Variants in SMARCA2 observed in about 807,000 individuals in gnomAD.
The protein encoded by SMARCA2 is SWI/SNF related BAF chromatin remodeling complex subunit ATPase 2.
Under a neutral mutation model 199.8 loss-of-function variants are expected in SMARCA2, and 61 were observed. That is an observed-to-expected ratio of 0.31 (90% CI 0.25 to 0.38). The LOEUF (loss-of-function observed/expected upper bound fraction) is 0.38. Among genes scored for constraint, SMARCA2 ranks in the 10% least tolerant of loss-of-function variants. SMARCA2 has a pLI of 1.00. For synonymous variants in SMARCA2, 935 were observed against 732.0 expected, an observed-to-expected ratio of 1.28 and a Z score of -4.48; for missense variants, 1,344 against 2,012.2, an observed-to-expected ratio of 0.67 and a Z score of 6.35.
intron 31 of SMARCA2, among the ~76,000 whole-genome samples, chr9:2,183,006 G>C (rs1027743266): frequency 6.6e-6 from 1 of 152,026 alleles, no homozygotes; most frequent in African/African-American, 2.4e-5. Flanking sequence ...AGCCAGGCTG[G>C]TCTTGAACTC....
intron 1 of SMARCA2, among the ~76,000 whole-genome samples, chr9:2,027,409 C>T (rs1355784879): frequency 4.0e-5 from 6 of 151,840 alleles, no homozygotes; most frequent in Non-Finnish European, 7.4e-5. Context: ...TACTGTCCTC[C>T]AGCCTGGGCA....
Position 2,170,167 on chromosome 9 carries a change from C to T in SMARCA2, c.4200-252C>T, listed in dbSNP as rs1411962258. The stretch of plus-strand genomic sequence containing the variant: ...GAACATGTAAGAGGGAACAGGGTAA[C>T]AGGAATTTCTGTGTGTGACGGAAGT... On this transcript the variant is annotated intron_variant, in intron 28 of 33. Coordinates refer to ENST00000349721, the MANE Select transcript of SMARCA2 (RefSeq NM_003070.5). The surrounding 1 kb of genome is among the most constrained non-coding windows in gnomAD (Gnocchi z 4.7). Among the ~76,000 whole-genome samples, 1 of 152,156 alleles carries T rather than the reference C, an allele frequency of 6.6e-6. No individual in the cohort carries two copies. The highest frequency in any genetic ancestry group is 1.5e-5 in the Non-Finnish European group (1 of 68,038).
rs536983022 is a variant in SMARCA2 at position 2,067,874 on chromosome 9, A to G, written c.1693-2544A>G. ...TTAGATAACAATCTAGCTAGTCTAT[A>G]GGACATTCATAGGAAAGTATCCTTC... On this transcript the variant is annotated intron_variant, in intron 9 of 33. Transcript: ENST00000349721. 4.6e-5 allele frequency among the ~76,000 whole-genome samples: 7 copies of G among 152,386 alleles called. No individual in the cohort carries two copies. In the East Asian group the frequency reaches 1.3e-3, roughly 29 times the overall value.
chr9:2,150,398 G>T (rs1287142961), intron 27 of SMARCA2, among the ~76,000 whole-genome samples: 3 of 151,620 alleles, frequency 2.0e-5, no homozygotes, highest in African/African-American at 7.3e-5. Flanking sequence ...TAGAGACAGG[G>T]TACTCTGAGA....
At chr9:2,066,882 A>C (rs1820862064) in intron 9 of SMARCA2, among the ~76,000 whole-genome samples, 1 of 152,254 alleles carries the variant, frequency 6.6e-6, no homozygotes, top group Non-Finnish European at 1.5e-5. Flanking sequence ...ACAGTAGACC[A>C]ATCACAAACT....
At chr9:2,040,880 A>C (rs1260705732) in intron 4 of SMARCA2, 1 of 152,538 alleles carries the variant, frequency 6.6e-6, no homozygotes, top group African/African-American at 2.4e-5. Flanking sequence ...TCTTCCATGA[A>C]GGTTGTTTTC....
At position 2,116,460 on chromosome 9, in the gene SMARCA2, G is replaced by A. The variant is rs561743447; in HGVS notation, c.3684+411G>A. ...GAGCCCTCTCTCTCTTTTGCCTTTT[G>A]ATCAGGGATCACAGAGCTTCAACAT... On this transcript the variant is annotated intron_variant, in intron 25 of 33. Coordinates refer to ENST00000349721, the MANE Select transcript of SMARCA2 (RefSeq NM_003070.5). Among the ~76,000 whole-genome samples the A allele has an allele frequency of 3.3e-4, 51 of 152,288 alleles. No individual in the cohort carries two copies. The South Asian group carries it at 0.01, about 30-fold the overall frequency.
At chr9:2,132,287 C>T (rs1823995984) in intron 27 of SMARCA2, among the ~76,000 whole-genome samples, 1 of 152,232 alleles carries the variant, frequency 6.6e-6, no homozygotes, top group Non-Finnish European at 1.5e-5. Flanking sequence ...GCCTAGAGAT[C>T]TTGCAAGCAA....
intron 27 of SMARCA2, among the ~76,000 whole-genome samples, chr9:2,149,344 C>G (rs1234614217): frequency 1.3e-5 from 2 of 150,774 alleles, no homozygotes; most frequent in Non-Finnish European, 3.0e-5. Context: ...ATGGTGAAAC[C>G]CCATCTCTAC....
chr9:2,050,861 T>G (rs1820087452), intron 5 of SMARCA2, among the ~76,000 whole-genome samples: 1 of 152,226 alleles, frequency 6.6e-6, no homozygotes, highest in African/African-American at 2.4e-5. Flanking sequence ...TCTGTTGCAT[T>G]TAATGCAACT....
At chr9:2,052,243 G>T (rs553748955) in intron 5 of SMARCA2, among the ~76,000 whole-genome samples, 1 of 152,250 alleles carries the variant, frequency 6.6e-6, no homozygotes, top group Non-Finnish European at 1.5e-5. Context: ...GGAGGCCGAT[G>T]CCTGCGGATC....
intron 31 of SMARCA2, among the ~76,000 whole-genome samples, chr9:2,183,459 ATGT>A: frequency 6.6e-6 from 1 of 152,340 alleles, no homozygotes; most frequent in South Asian, 2.1e-4. Flanking sequence ...CTGTCACCTT[ATGT>A]AGGACTTTTT....
chr9:2,158,835 T>C (rs776283954), intron 27 of SMARCA2: 32 of 1,046,068 alleles, frequency 3.1e-5, no homozygotes, highest in Non-Finnish European at 4.0e-5. Flanking sequence ...GTTTAGTGAA[T>C]TGATTTCCAT....
intron 29 of SMARCA2, among the ~76,000 whole-genome samples, chr9:2,176,402 G>C (rs1444121324): frequency 6.6e-6 from 1 of 152,022 alleles, no homozygotes; most frequent in Non-Finnish European, 1.5e-5. Flanking sequence ...ATGCATCAGA[G>C]TGTGATTGTT....
Position 2,192,854 on chromosome 9 carries a change from T to TATAAACTAGCTTTAGGATAGTGCC in SMARCA2, c.*117_*140dup, listed in dbSNP as rs1827984956. 5.2e-6 allele frequency: 4 copies of TATAAACTAGCTTTAGGATAGTGCC among 765,452 alleles called. No homozygotes were observed. The highest frequency in any genetic ancestry group is 9.3e-6 in the Non-Finnish European group (4 of 430,076). The allele number at this position is 765,452 out of a possible 1,614,324, so 47.4% of individuals were successfully genotyped here. A position where few individuals can be genotyped will look rare whatever the true frequency, so the allele number is the denominator to read the frequency against. ...GGGTTGTTTCTATATCATCATCGTC[T>TATAAACTAGCTTTAGGATAGTGCC]ATAAACTAGCTTTAGGATAGTGCCA... is the stretch of plus-strand genomic sequence containing the variant. On this transcript the variant is annotated 3_prime_UTR_variant, in exon 34 of 34. Coordinates refer to ENST00000349721, the MANE Select transcript of SMARCA2 (RefSeq NM_003070.5).
chr9:2,161,648 C>G lies in SMARCA2; in HGVS notation c.3982-38C>G. 2 of 1,426,396 alleles carry G rather than the reference C, an allele frequency of 1.4e-6. No homozygotes were observed. The highest frequency in any genetic ancestry group is 2.3e-5 in the East Asian group (1 of 43,866). 88.4% of individuals were successfully genotyped at this position (1,426,396 alleles called of 1,614,324 possible). A position where few individuals can be genotyped will look rare whatever the true frequency, so the allele number is the denominator to read the frequency against. On this transcript the variant is annotated intron_variant, in intron 27 of 33. Coordinates refer to ENST00000349721, the MANE Select transcript of SMARCA2 (RefSeq NM_003070.5). The surrounding 1 kb of genome is among the most constrained non-coding windows in gnomAD (Gnocchi z 4.7). ...ATACTTTTTTTGTCTTGGTTATTCT[C>G]TTGTCTTGAATTTGTCTCCTTTGTT...
At chr9:2,032,055 TC>T in intron 2 of SMARCA2, among the ~76,000 whole-genome samples, 1 of 152,334 alleles carries the variant, frequency 6.6e-6, no homozygotes, top group South Asian at 2.1e-4. Context: ...TTTCCTCTTT[TC>T]AAGTGCATAC....
intron 21 of SMARCA2, among the ~76,000 whole-genome samples, chr9:2,100,593 T>G (rs1822467318): frequency 6.6e-6 from 1 of 152,122 alleles, no homozygotes; most frequent in East Asian, 1.9e-4. Context: ...TCCCAGCTAT[T>G]CAGGAGTCTG....
At position 2,060,938 on chromosome 9, in the gene SMARCA2, G is replaced by A; in HGVS notation, c.1644G>A (p.Lys548=). The A allele has an allele frequency of 6.2e-7, 1 of 1,614,088 alleles. No individual in the cohort carries two copies. The highest frequency in any genetic ancestry group is 8.5e-7 in the Non-Finnish European group (1 of 1,179,982). ...TGACCAATCTGGTTTGGGAGCACAAGCAAGCCCAGGCAGCCAAAGAGAAGA... is the reference window on the plus strand; with the variant it reads ...TGACCAATCTGGTTTGGGAGCACAAACAAGCCCAGGCAGCCAAAGAGAAGA... The part of the protein sequence containing the change: ...ANLTNLVWEH[K]QAQAAKEKKK... The change falls in exon 9 of 34, where the codon AAG becomes AAA. Residue 548 remains lysine (K), a synonymous_variant. Coordinates refer to ENST00000349721, the MANE Select transcript of SMARCA2 (RefSeq NM_003070.5).
Sources: allele counts gnomAD v4.1 joint callset (sites outside exome capture counted in the v4.1 genomes callset), GRCh38; gene constraint gnomAD v4.1.1; non-coding constraint Gnocchi (gnomAD v3.1); transcripts MANE v1.5; gene names NCBI Gene and HGNC (gene_info 2026-07-23, HGNC 2026-07-21).